The following ATP2C2 variants were observed in gnomAD, a reference collection of about 807,000 sequenced individuals.
ATP2C2 encodes the protein calcium-transporting ATPase type 2C member 2.
A neutral mutation model predicts 110.8 loss-of-function variants in ATP2C2; 171 were observed. The observed-to-expected ratio is 1.54, with a 90% confidence interval of 1.36 to 1.75. The LOEUF (loss-of-function observed/expected upper bound fraction) is 1.75, where lower values mean the gene tolerates loss of function less well. Among genes scored for constraint, ATP2C2 ranks in the 40% most tolerant of loss-of-function variants. The pLI is 0.00. For missense variants in ATP2C2, 1,963 were observed against 1,235.0 expected, an observed-to-expected ratio of 1.59 and a Z score of -8.84; for synonymous variants, 804 against 508.4, an observed-to-expected ratio of 1.58 and a Z score of -7.82.
chr16:84,373,466 C>G (rs901122677), intron 1 of ATP2C2, among the ~76,000 whole-genome samples: 1 of 152,056 alleles, frequency 6.6e-6, no homozygotes, highest in African/African-American at 2.4e-5. Flanking sequence ...CGCCACTACA[C>G]TCCAGCCTGG....
intron 17 of ATP2C2, among the ~76,000 whole-genome samples, 168 bp downstream of exon 17, chr16:84,448,857 C>G (rs16973817): frequency 0.13 from 19,389 of 152,200 alleles, 1,941 homozygotes; most frequent in African/African-American, 0.27. Flanking sequence ...ATGAAAGGCA[C>G]AGAGGTCCCC....
chr16:84,369,153 A>T (rs888137038), intron 1 of ATP2C2, among the ~76,000 whole-genome samples: 7 of 152,260 alleles, frequency 4.6e-5, no homozygotes, highest in African/African-American at 1.7e-4. Context: ...TGTAGCAATA[A>T]TAGAAAGCAA....
intron 1 of ATP2C2, among the ~76,000 whole-genome samples, chr16:84,379,456 G>T (rs894704446): frequency 8.5e-5 from 13 of 152,210 alleles, no homozygotes; most frequent in African/African-American, 1.7e-4. Context: ...GTGAGCCACT[G>T]TGCCTGGCTG....
chr16:84,400,219 G>A (rs1160724458), intron 2 of ATP2C2, among the ~76,000 whole-genome samples: 2 of 152,092 alleles, frequency 1.3e-5, no homozygotes, highest in African/African-American at 4.8e-5. Flanking sequence ...ATACTCCTGC[G>A]ATAAACATGG....
At chr16:84,446,553 T>A in intron 16 of ATP2C2, 123 bp downstream of exon 16, 1 of 588,788 alleles carries the variant, frequency 1.7e-6, no homozygotes, top group Non-Finnish European at 2.8e-6. Context: ...ACGTTCCAAA[T>A]ACATGGAAAA....
At position 84,422,737 on chromosome 16, in the gene ATP2C2, G is replaced by C. The variant is rs771953698; in HGVS notation, c.843+40G>C. 1.9e-6 allele frequency: 3 copies of C among 1,568,722 alleles called. No individual in the cohort carries two copies. In the East Asian group the frequency reaches 6.7e-5, roughly 35 times the overall value. Reference sequence around the variant, plus strand: ...GGGGCTTCGGGACTTTTGTAAGCTGGAGTTTGAGATTATTATAGGCAAATA... The same window carrying C: ...GGGGCTTCGGGACTTTTGTAAGCTGCAGTTTGAGATTATTATAGGCAAATA... On this transcript the variant is annotated intron_variant, in intron 9 of 26. Coordinates refer to ENST00000262429, the MANE Select transcript of ATP2C2 (RefSeq NM_014861.4).
At chr16:84,376,011 A>T (rs1476497728) in intron 1 of ATP2C2, among the ~76,000 whole-genome samples, 2 of 152,052 alleles carry the variant, frequency 1.3e-5, no homozygotes, top group Non-Finnish European at 2.9e-5. Flanking sequence ...CAGCATTATT[A>T]GGCAAGAATC....
chr16:84,422,317 C>A (rs1907410564), intron 7 of ATP2C2, 73 bp from the exon 8 acceptor site: 2 of 1,517,106 alleles, frequency 1.3e-6, no homozygotes, highest in Admixed American at 1.9e-5. Context: ...GGTGCTGGTA[C>A]CATTTTGTGC....
In ATP2C2 at chr16:84,452,114, T is replaced by C. The variant is rs373055693; in HGVS notation, c.1831+23T>C. On this transcript the variant is annotated intron_variant, in intron 18 of 26. Transcript: ENST00000262429. ...TAGGTAACTGGGACAGGGTCGGGGG[T>C]GAGGACGAAAGGACCCATCCATCCT... is the stretch of plus-strand genomic sequence containing the variant. The C allele has an allele frequency of 3.7e-5, 59 of 1,612,748 alleles. 1 individual carries two copies. The Middle Eastern group carries it at 6.6e-4, about 18-fold the overall frequency.
At chr16:84,398,840 G>A (rs1278490625) in intron 2 of ATP2C2, among the ~76,000 whole-genome samples, 2 of 152,214 alleles carry the variant, frequency 1.3e-5, no homozygotes, top group African/African-American at 4.8e-5. Context: ...CGTCCTTTGA[G>A]ACACTCTGTG....
chr16:84,371,664 C>G (rs1325521830), intron 1 of ATP2C2, among the ~76,000 whole-genome samples: 3 of 152,242 alleles, frequency 2.0e-5, no homozygotes, highest in Non-Finnish European at 4.4e-5. Flanking sequence ...GAAGCTGTCT[C>G]TGCCCCTCAG....
chr16:84,462,049 G>C lies in ATP2C2; in HGVS notation c.2642G>C (p.Gly881Ala). 2 of 1,614,078 alleles carry C rather than the reference G, an allele frequency of 1.2e-6. No homozygotes were observed. The highest frequency in any genetic ancestry group is 1.7e-6 in the Non-Finnish European group (2 of 1,179,982). Residue 881 changes from glycine to alanine, a missense_variant, in exon 26 of 27, where the codon GGG (glycine) becomes GCG (alanine). By Grantham distance (60) the Gly-to-Ala change is moderately conservative. Transcript: ENST00000262429. The part of the protein sequence containing the change: ...RNHMFLYSVL[G>A]SILGQLAVIY... Reference sequence around the variant, plus strand: ...CACATGTTCCTCTACTCCGTCCTGGGGTCCATCCTGGGGCAGCTGGCGGTC... The same window carrying C: ...CACATGTTCCTCTACTCCGTCCTGGCGTCCATCCTGGGGCAGCTGGCGGTC...
chr16:84,463,603 T>A lies in ATP2C2; in HGVS notation c.2723-11T>A, dbSNP rs563453646. ...CCCGTCCTGAATCTTTTCTGTTTTCTCCCTTGGCAGATTTGCTGTTTTTAA... is the reference window on the plus strand; with the variant it reads ...CCCGTCCTGAATCTTTTCTGTTTTCACCCTTGGCAGATTTGCTGTTTTTAA... On this transcript the variant is annotated splice_polypyrimidine_tract_variant and intron_variant, in intron 26 of 26. Coordinates refer to ENST00000262429, the MANE Select transcript of ATP2C2 (RefSeq NM_014861.4). 2.6e-5 allele frequency: 41 copies of A among 1,607,798 alleles called. No individual in the cohort carries two copies. The highest frequency in any genetic ancestry group is 5.0e-5 in the Admixed American group (3 of 60,014).
chr16:84,461,961 A>T, intron 25 of ATP2C2, 27 bp from the exon 26 acceptor site: 1 of 1,610,818 alleles, frequency 6.2e-7, no homozygotes, highest in African/African-American at 1.3e-5. Flanking sequence ...ACAGCACACA[A>T]TCCCCCGTGT....
chr16:84,410,758 T>A lies in ATP2C2; in HGVS notation c.508T>A (p.Cys170Ser), dbSNP rs772592945. 2 of 1,614,074 alleles carry A rather than the reference T, an allele frequency of 1.2e-6. No individual in the cohort carries two copies. The highest frequency in any genetic ancestry group is 2.2e-5 in the South Asian group (2 of 91,082). Reference sequence around the variant, plus strand: ...GCTGACCAAGCTGGTTCCTCCAGAATGTAACTGGTAAGTCAGAGCCTCCCT... The same window carrying A: ...GCTGACCAAGCTGGTTCCTCCAGAAAGTAACTGGTAAGTCAGAGCCTCCCT... ...EELTKLVPPE[C>S]NCLREGKLQH... The change falls in exon 6 of 27, where the codon TGT becomes AGT. Residue 170 changes from cysteine (C) to serine (S), a missense_variant. Transcript: ENST00000262429.
At chr16:84,442,633 C>T (rs747589896) in intron 15 of ATP2C2, 34 bp downstream of exon 15, 3 of 1,596,094 alleles carry the variant, frequency 1.9e-6, no homozygotes, top group Non-Finnish European at 2.6e-6. Context: ...GCGGGGAATT[C>T]TTTCGCTCGG....
rs967817042 is a variant in ATP2C2 at position 84,460,634 on chromosome 16, C to G, written c.2334-20C>G. 1.2e-5 allele frequency: 19 copies of G among 1,614,016 alleles called. No homozygotes were observed. The highest frequency in any genetic ancestry group is 2.2e-5 in the East Asian group (1 of 44,886). On this transcript the variant is annotated intron_variant, in intron 23 of 26. Coordinates refer to ENST00000262429, the MANE Select transcript of ATP2C2 (RefSeq NM_014861.4). ...TCATTCCTGGTTCATTTCAAAGTGT[C>G]TGTGTCTTGTTCGGAGCAGCTTGGG...
At chr16:84,450,732 CCTGGCTT>C (rs937902846) in intron 17 of ATP2C2, among the ~76,000 whole-genome samples, 1 of 152,076 alleles carries the variant, frequency 6.6e-6, no homozygotes, top group African/African-American at 2.4e-5. Flanking sequence ...AGGAGCTGGG[CCTGGCTT>C]CTGTGCCACA....
At chr16:84,381,349 A>G (rs1490284822) in intron 1 of ATP2C2, among the ~76,000 whole-genome samples, 1 of 152,150 alleles carries the variant, frequency 6.6e-6, no homozygotes, top group Non-Finnish European at 1.5e-5. Flanking sequence ...GTATACGTGC[A>G]AGTCACAGGG....
Sources: allele counts gnomAD v4.1 joint callset (sites outside exome capture counted in the v4.1 genomes callset), GRCh38; gene constraint gnomAD v4.1.1; transcripts MANE v1.5; gene names NCBI Gene and HGNC (gene_info 2026-07-23, HGNC 2026-07-21).